The following RHOBTB1 variants were observed in gnomAD, a reference collection of about 807,000 sequenced individuals.
RHOBTB1 encodes Rho related BTB domain containing 1, also known as rho-related BTB domain-containing protein 1.
In RHOBTB1, 40 loss-of-function variants were observed where a neutral mutation model predicts 71.6. That is an observed-to-expected ratio of 0.56 (90% CI 0.43 to 0.73). The LOEUF (loss-of-function observed/expected upper bound fraction) is 0.73, where lower values mean the gene tolerates loss of function less well. Ranked by LOEUF, RHOBTB1 falls within the 30% of genes least tolerant of loss-of-function variation. The pLI is 0.00. For missense variants in RHOBTB1, 797 were observed against 894.0 expected (o/e 0.89, Z 1.38); for synonymous variants, 319 against 334.9 (o/e 0.95, Z 0.52).
chr10:60,943,654 A>G (rs1589387690), intron 1 of RHOBTB1, among the ~76,000 whole-genome samples: 1 of 151,972 alleles, frequency 6.6e-6, no homozygotes, highest in African/African-American at 2.4e-5. Flanking sequence ...GCGCGGCACC[A>G]CCCCCTCCCT....
intron 2 of RHOBTB1, among the ~76,000 whole-genome samples, chr10:60,915,633 T>C (rs923681456): frequency 2.6e-5 from 4 of 152,178 alleles, no homozygotes; most frequent in Non-Finnish European, 4.4e-5. Flanking sequence ...AACAAGACAG[T>C]GCAGGTGGGG....
intron 2 of RHOBTB1, among the ~76,000 whole-genome samples, chr10:60,968,837 G>GCATCCT (rs2086059217): frequency 6.6e-6 from 1 of 152,056 alleles, no homozygotes; most frequent in Non-Finnish European, 1.5e-5. Context: ...GCATCACATG[G>GCATCCT]CATCCTTGGG....
chr10:60,921,702 C>T (rs905325361), intron 2 of RHOBTB1, among the ~76,000 whole-genome samples: 2 of 152,204 alleles, frequency 1.3e-5, no homozygotes, highest in Non-Finnish European at 2.9e-5. Context: ...AGAAAACCTT[C>T]CACCTGGGGC....
rs370871250 is a variant in RHOBTB1 at position 60,955,214 on chromosome 10, T to G, written c.-61-13360A>C. ...CGTGCACCACCACTTCCAGCTAATT[T>G]TTGTATTTTTAGTAGATGGGGTTTC... is the stretch of plus-strand genomic sequence containing the variant. On this transcript the variant is annotated intron_variant, in intron 2 of 11. Transcript: ENST00000357917. Among the ~76,000 whole-genome samples the G allele has an allele frequency of 5.9e-3, 891 of 152,014 alleles. 4 individuals are homozygous for G. The highest frequency in any genetic ancestry group is 0.021 in the African/African-American group (865 of 41,446).
intron 2 of RHOBTB1, among the ~76,000 whole-genome samples, chr10:60,984,774 ATACTT>A (rs1322684622): frequency 1.3e-5 from 2 of 152,194 alleles, no homozygotes. Context: ...TGCTTTGTAA[ATACTT>A]TATTTATAGG....
upstream of RHOBTB1, among the ~76,000 whole-genome samples, chr10:60,945,484 A>T (rs369617981): frequency 2.7e-4 from 41 of 152,262 alleles, no homozygotes; most frequent in Admixed American, 1.6e-3. Flanking sequence ...GCGTGAAAAA[A>T]TTCTAAAAGC....
chr10:60,988,496 A>C (rs74993470), intron 1 of RHOBTB1, among the ~76,000 whole-genome samples: 3,542 of 151,618 alleles, frequency 0.023, 139 homozygotes, highest in African/African-American at 0.08. Context: ...CTGTTGTTCC[A>C]TTCTTTATGT....
At chr10:60,908,370 A>T (rs184395655) in intron 4 of RHOBTB1, among the ~76,000 whole-genome samples, 2 of 152,360 alleles carry the variant, frequency 1.3e-5, no homozygotes, top group Admixed American at 6.5e-5. Flanking sequence ...ATTTTCAAGA[A>T]TAGGGAATGT....
At chr10:60,875,175 T>A in intron 8 of RHOBTB1, 133 bp from the exon 9 acceptor site, 1 of 660,084 alleles carries the variant, frequency 1.5e-6, no homozygotes, top group Non-Finnish European at 2.7e-6. Flanking sequence ...GCATCTGAAT[T>A]AAATCCAGAA....
chr10:60,930,397 T>C (rs927454696), intron 2 of RHOBTB1, among the ~76,000 whole-genome samples: 1 of 152,228 alleles, frequency 6.6e-6, no homozygotes, highest in Non-Finnish European at 1.5e-5. Context: ...GTCTTATCTA[T>C]TAATATTGTC....
rs1464005867 is a variant in RHOBTB1, at chr10:60,888,639, G to A, written c.1029C>T (p.Ala343=). The A allele has an allele frequency of 5.6e-6, 9 of 1,614,144 alleles. No homozygotes were observed. The highest frequency in any genetic ancestry group is 1.1e-5 in the South Asian group (1 of 91,078). Residue 343 remains alanine, a synonymous_variant, in exon 6 of 11, where the codon GCC becomes GCT. Coordinates refer to ENST00000337910, the MANE Select transcript of RHOBTB1 (RefSeq NM_014836.5). ...TCTTGTTTGAAGACTTCCACTGGTC[G>A]GCCTGAGGAATCCTAGGCGGGCCCT... The part of the protein sequence containing the change: ...REEGPPRIPQ[A]DQWKSSNKSL...
intron 3 of RHOBTB1, 58 bp from the exon 4 acceptor site, chr10:60,911,048 A>G: frequency 7.3e-7 from 1 of 1,370,622 alleles, no homozygotes; most frequent in East Asian, 2.3e-5. Flanking sequence ...CCCCAGGAGA[A>G]GCGTGTTCAA....
downstream of RHOBTB1, among the ~76,000 whole-genome samples, chr10:60,868,799 T>G (rs1461775641): frequency 6.6e-6 from 1 of 152,234 alleles, no homozygotes; most frequent in Non-Finnish European, 1.5e-5. Context: ...GTATACTTTA[T>G]GTAAAAGGTG....
rs1354753903 is a variant in RHOBTB1, at chr10:60,870,711, T to G, written c.*771A>C. On this transcript the variant is annotated 3_prime_UTR_variant, in exon 11 of 11. Coordinates refer to ENST00000337910, the MANE Select transcript of RHOBTB1 (RefSeq NM_014836.5). ...ATGTATTCAGGTCCACCAGTGAGTTTGCCCTGGATAATGCTGGGATTTAAT... is the reference window on the plus strand; with the variant it reads ...ATGTATTCAGGTCCACCAGTGAGTTGGCCCTGGATAATGCTGGGATTTAAT... 6.6e-6 allele frequency: 1 copy of G among 152,568 alleles called. No individual in the cohort carries two copies. Among genetic ancestry groups the G allele is most frequent in the Admixed American group, 6.5e-5 (1 of 15,288 alleles). The allele number at this position is 152,568 out of a possible 1,614,324, so 9.5% of individuals were successfully genotyped here.
At chr10:60,933,249 A>C (rs2084362806) in intron 2 of RHOBTB1, among the ~76,000 whole-genome samples, 1 of 152,228 alleles carries the variant, frequency 6.6e-6, no homozygotes, top group Non-Finnish European at 1.5e-5. Flanking sequence ...ATTACATGAA[A>C]GATTGTACAA....
At chr10:60,993,061 T>A (rs1351604943) in intron 1 of RHOBTB1, among the ~76,000 whole-genome samples, 1 of 152,084 alleles carries the variant, frequency 6.6e-6, no homozygotes, top group East Asian at 1.9e-4. Context: ...CTTCGGGCAT[T>A]TTATTAAATA....
intron 2 of RHOBTB1, among the ~76,000 whole-genome samples, chr10:60,963,252 AC>A (rs1367222439): frequency 6.6e-6 from 1 of 152,086 alleles, no homozygotes; most frequent in African/African-American, 2.4e-5. Context: ...GCAAGTATTG[AC>A]TGAATTATAA....
intron 8 of RHOBTB1, chr10:60,877,128 G>A (rs897174413): frequency 6.6e-5 from 10 of 152,278 alleles, no homozygotes; most frequent in African/African-American, 2.2e-4. Flanking sequence ...CCAGAGAAAG[G>A]CATTTAAGTT....
intron 2 of RHOBTB1, among the ~76,000 whole-genome samples, chr10:60,961,897 T>C (rs2085794381): frequency 6.6e-6 from 1 of 150,572 alleles, no homozygotes; most frequent in South Asian, 2.1e-4. Context: ...CAACCTCCGC[T>C]CCTGGGTTCA....
Sources: allele counts gnomAD v4.1 joint callset (sites outside exome capture counted in the v4.1 genomes callset), GRCh38; gene constraint gnomAD v4.1.1; transcripts MANE v1.5; gene names NCBI Gene and HGNC (gene_info 2026-07-23, HGNC 2026-07-21).